CLEC16A: variants seen among roughly 807,000 people sequenced by gnomAD.
CLEC16A encodes the protein C-type lectin domain containing 16A.
Under a neutral mutation model 109.5 loss-of-function variants are expected in CLEC16A, and 51 were observed. The ratio of observed to expected loss-of-function variants is 0.47; its 90% CI spans 0.37 to 0.59. The LOEUF is 0.59. Ranked by LOEUF, CLEC16A falls within the 20% of genes least tolerant of loss-of-function variation. The pLI is 0.00. For synonymous variants in CLEC16A, 673 were observed against 564.2 expected (o/e 1.19, Z -2.73); for missense variants, 1,339 against 1,394.0 (o/e 0.96, Z 0.63).
intron 12 of CLEC16A, among the ~76,000 whole-genome samples, chr16:11,020,796 C>A (rs1402516917): frequency 6.6e-6 from 1 of 152,254 alleles, no homozygotes; most frequent in East Asian, 1.9e-4. Context: ...CCACCTTTGA[C>A]TTTTTGCCTG....
chr16:11,104,317 TG>T (rs1484524667), intron 19 of CLEC16A, among the ~76,000 whole-genome samples: 1 of 151,752 alleles, frequency 6.6e-6, no homozygotes, highest in African/African-American at 2.4e-5. Flanking sequence ...GTCATAGAGA[TG>T]GGGTCTCACT....
At chr16:11,074,830 G>A (rs1286722804) in intron 19 of CLEC16A, among the ~76,000 whole-genome samples, 12 of 152,264 alleles carry the variant, frequency 7.9e-5, no homozygotes, top group Admixed American at 7.8e-4. Flanking sequence ...TTAGAGAAAT[G>A]AGGCATTTGA....
At chr16:10,951,693 A>T (rs571505528) in intron 1 of CLEC16A, among the ~76,000 whole-genome samples, 1 of 152,378 alleles carries the variant, frequency 6.6e-6, no homozygotes, top group South Asian at 2.1e-4. Flanking sequence ...AGGTACATAC[A>T]TAGTTTGAGA....
At chr16:11,027,113 G>T (rs1387096348) in intron 13 of CLEC16A, 1 of 1,515,816 alleles carries the variant, frequency 6.6e-7, no homozygotes, top group Non-Finnish European at 9.1e-7. Flanking sequence ...AAGCCACCCA[G>T]GCAAAGCAGG....
rs79713878 is a variant in CLEC16A, at chr16:11,099,235, C to T, written c.2117-21380C>T. Among the ~76,000 whole-genome samples, 1,280 of 152,314 alleles carry T rather than the reference C, an allele frequency of 8.4e-3. 5 individuals are homozygous for T. The highest frequency in any genetic ancestry group is 0.013 in the Non-Finnish European group (861 of 68,028). ...TTCTCATGCACGGCTCATCGGCAGACGTGGAGCAGAGCTGTTTCCCACGGT... is the reference window on the plus strand; with the variant it reads ...TTCTCATGCACGGCTCATCGGCAGATGTGGAGCAGAGCTGTTTCCCACGGT... On this transcript the variant is annotated intron_variant, in intron 19 of 23. Transcript: ENST00000409790.
Position 11,027,417 on chromosome 16 carries a change from C to T in CLEC16A, c.1537+2496C>T, listed in dbSNP as rs925360079. 17 of 1,456,886 alleles carry T rather than the reference C, an allele frequency of 1.2e-5. No individual in the cohort carries two copies. In the East Asian group the frequency reaches 2.3e-4, roughly 19 times the overall value. The allele number at this position is 1,456,886 out of a possible 1,614,324, so 90.2% of individuals were successfully genotyped here. ...CACCCCCCAGAATCTACAAATGCTG[C>T]GTATAGTGGAAACTTATGTGACCTG... On this transcript the variant is annotated intron_variant, in intron 13 of 23. Transcript: ENST00000409790.
In CLEC16A at chr16:11,180,394, A is replaced by T. The variant is rs1024509972; in HGVS notation, c.*1704A>T. 1.3e-5 allele frequency: 2 copies of T among 152,338 alleles called. No individual in the cohort carries two copies. Among genetic ancestry groups the T allele is most frequent in the Admixed American group, 1.3e-4 (2 of 15,290 alleles). 9.4% of individuals were successfully genotyped at this position (152,338 alleles called of 1,614,324 possible). On this transcript the variant is annotated 3_prime_UTR_variant, in exon 24 of 24. Transcript: ENST00000409790. Reference sequence around the variant, plus strand: ...TCCATAGAGAAAACGCACAGCTCAGAAAGGGGGCCACATGGGCAGAAACCC... The same window carrying T: ...TCCATAGAGAAAACGCACAGCTCAGTAAGGGGGCCACATGGGCAGAAACCC...
rs1225563177 is a variant in CLEC16A, at chr16:11,178,355, C to T, written c.2827C>T (p.Leu943=). 1 of 1,612,012 alleles carries T rather than the reference C, an allele frequency of 6.2e-7. No homozygotes were observed. Among genetic ancestry groups the T allele is most frequent in the Middle Eastern group, 1.7e-4 (1 of 6,056 alleles). Reference sequence around the variant, plus strand: ...TCCAGATGCCCCCATGAGTCCAGAACTGCCTAAGCCTCACCTTCCTGACCA... The same window carrying T: ...TCCAGATGCCCCCATGAGTCCAGAATTGCCTAAGCCTCACCTTCCTGACCA... The part of the protein sequence containing the change: ...SPADAPMSPE[L]PKPHLPDQLV... The change falls in exon 24 of 24, where the codon CTG becomes TTG. Residue 943 remains leucine, a synonymous_variant. Coordinates refer to ENST00000409790, the MANE Select transcript of CLEC16A (RefSeq NM_015226.3). This position sits in a 1 kb window ranked among gnomAD's most constrained non-coding sequence, Gnocchi z 6.5.
intron 2 of CLEC16A, among the ~76,000 whole-genome samples, chr16:10,959,019 GT>G (rs2042127662): frequency 1.3e-4 from 18 of 139,962 alleles, no homozygotes; most frequent in Admixed American, 1.2e-3. Context: ...ACACGGGTGT[GT>G]GTGTGTGTGT....
chr16:10,998,417 G>A (rs2044459335), intron 10 of CLEC16A, among the ~76,000 whole-genome samples: 1 of 152,222 alleles, frequency 6.6e-6, no homozygotes, highest in African/African-American at 2.4e-5. Context: ...CCTGGGAGAT[G>A]AGCGCGTGGT....
intron 11 of CLEC16A, among the ~76,000 whole-genome samples, chr16:11,003,943 C>T (rs1270970120): frequency 7.2e-6 from 1 of 139,338 alleles, no homozygotes; most frequent in Non-Finnish European, 1.5e-5. Flanking sequence ...AGACCAGCCT[C>T]ACCAACATGA....
At chr16:11,087,798 A>G (rs2050089373) in intron 19 of CLEC16A, among the ~76,000 whole-genome samples, 1 of 152,224 alleles carries the variant, frequency 6.6e-6, no homozygotes, top group Non-Finnish European at 1.5e-5. Context: ...AGGCCCAGAG[A>G]GGAGGACGGG....
chr16:11,172,459 A>G (rs770757505), intron 23 of CLEC16A, among the ~76,000 whole-genome samples: 20 of 152,384 alleles, frequency 1.3e-4, no homozygotes, highest in Non-Finnish European at 2.5e-4. Flanking sequence ...GTTCACATAC[A>G]TTCCAAGTGA....
At chr16:11,148,566 C>T (rs954327868) in intron 22 of CLEC16A, among the ~76,000 whole-genome samples, 5 of 152,204 alleles carry the variant, frequency 3.3e-5, no homozygotes, top group Admixed American at 6.5e-5. Context: ...CTCAAGGCTA[C>T]AATTTCCATT....
intron 20 of CLEC16A, among the ~76,000 whole-genome samples, chr16:11,123,108 T>C (rs2052553845): frequency 6.6e-6 from 1 of 152,102 alleles, no homozygotes; most frequent in African/African-American, 2.4e-5. Flanking sequence ...TTCACCCTCT[T>C]GGCCAGGCTG....
intron 16 of CLEC16A, among the ~76,000 whole-genome samples, chr16:11,045,727 G>T (rs756263633): frequency 6.6e-6 from 1 of 152,114 alleles, no homozygotes; most frequent in South Asian, 2.1e-4. Context: ...CCCTCTTAAC[G>T]TGGCTGATGA....
chr16:11,164,430 C>A (rs1319406014), intron 22 of CLEC16A, among the ~76,000 whole-genome samples: 1 of 152,172 alleles, frequency 6.6e-6, no homozygotes, highest in East Asian at 1.9e-4. Context: ...GGAGAAGAGT[C>A]CTGCTAAGCC....
chr16:11,159,891 G>C (rs1038670829), intron 22 of CLEC16A, among the ~76,000 whole-genome samples: 2 of 152,170 alleles, frequency 1.3e-5, no homozygotes. Context: ...TTAGGCTTGG[G>C]TTTTAAAATA....
Position 11,060,910 on chromosome 16 carries a change from G to A in CLEC16A, c.2004G>A (p.Arg668=), listed in dbSNP as rs377664121. ...GDVEKTRRAI[R]VFFMLRSLSL... ...CTGAACTGTTGGTCCAGGCCATCCG[G>A]GTGTTCTTCATGCTGCGTTCCCTGT... is the stretch of plus-strand genomic sequence containing the variant. Residue 668 remains arginine (R), a synonymous_variant, in exon 19 of 24, where the codon CGG becomes CGA. Coordinates refer to ENST00000409790, the MANE Select transcript of CLEC16A (RefSeq NM_015226.3). The A allele has an allele frequency of 1.3e-3, 2,019 of 1,610,292 alleles. 1 individual carries two copies. Among genetic ancestry groups the A allele is most frequent in the Non-Finnish European group, 1.5e-3 (1,823 of 1,178,254 alleles).
Sources: allele counts gnomAD v4.1 joint callset (sites outside exome capture counted in the v4.1 genomes callset), GRCh38; gene constraint gnomAD v4.1.1; non-coding constraint Gnocchi (gnomAD v3.1); transcripts MANE v1.5; gene names NCBI Gene and HGNC (gene_info 2026-07-23, HGNC 2026-07-21).